The following TENM3 variants were observed in gnomAD, a reference collection of about 807,000 sequenced individuals.
TENM3 encodes the protein teneurin transmembrane protein 3, also known as teneurin-3.
TENM3 carries 63 observed loss-of-function variants against 255.1 expected under a neutral mutation model. The ratio of observed to expected loss-of-function variants is 0.25; its 90% CI spans 0.20 to 0.30. The LOEUF is 0.30. Among genes scored for constraint, TENM3 ranks in the 10% least tolerant of loss-of-function variants. The probability of loss-of-function intolerance (pLI) is 1.00; values close to 1 mark genes in which losing one functional copy is unlikely to be tolerated. For missense variants in TENM3, 2,929 were observed against 3,461.1 expected, an observed-to-expected ratio of 0.85 and a Z score of 3.86; for synonymous variants, 1,306 against 1,322.3, an observed-to-expected ratio of 0.99 and a Z score of 0.27.
intron 3 of TENM3, among the ~76,000 whole-genome samples, chr4:182,408,627 CTT>C (rs1769751471): frequency 6.6e-6 from 1 of 152,070 alleles, no homozygotes. Flanking sequence ...CACTTTGGCT[CTT>C]GTTAAAAAAA....
At chr4:181,828,090 A>G in the TENM3 span, among the ~76,000 whole-genome samples, 1 of 152,154 alleles carries the variant, frequency 6.6e-6, no homozygotes, top group Non-Finnish European at 1.5e-5. Flanking sequence ...GAGCGAGGAG[A>G]AAAGGCAGAG....
At chr4:181,465,169 A>G in the TENM3 span, among the ~76,000 whole-genome samples, 1 of 146,478 alleles carries the variant, frequency 6.8e-6, no homozygotes, top group African/African-American at 2.5e-5. Flanking sequence ...CTTCAAAGAT[A>G]TGATTTTTGA....
chr4:182,649,990 A>G (rs551052844), intron 5 of TENM3, among the ~76,000 whole-genome samples: 1 of 150,660 alleles, frequency 6.6e-6, no homozygotes, highest in African/African-American at 2.4e-5. Context: ...TGCAAACTGC[A>G]TGCAAACTCT....
At chr4:181,752,955 C>T in the TENM3 span, among the ~76,000 whole-genome samples, 2 of 152,100 alleles carry the variant, frequency 1.3e-5, no homozygotes, top group African/African-American at 4.8e-5. Flanking sequence ...TCACTCACAC[C>T]ATAGAGATTT....
chr4:182,427,539 A>C (rs1200999801), intron 3 of TENM3, among the ~76,000 whole-genome samples: 1 of 152,162 alleles, frequency 6.6e-6, no homozygotes, highest in African/African-American at 2.4e-5. Flanking sequence ...CTCTCCTTCC[A>C]TTTATATTCT....
At chr4:182,242,003 C>CTT (rs763045070), upstream of TENM3, among the ~76,000 whole-genome samples, 1,339 of 125,782 alleles carry the variant, frequency 0.011, 150 homozygotes, top group African/African-American at 0.037. Flanking sequence ...AATTTGCCTT[C>CTT]TTTTTTTTTT....
chr4:182,246,987 G>A (rs1185157807), intron 1 of TENM3, among the ~76,000 whole-genome samples: 1 of 152,218 alleles, frequency 6.6e-6, no homozygotes, highest in Non-Finnish European at 1.5e-5. Flanking sequence ...TGCCCACATC[G>A]AAGCTCTCAG....
intron 1 of TENM3, among the ~76,000 whole-genome samples, chr4:182,158,490 A>G (rs1750872496): frequency 6.6e-6 from 1 of 152,144 alleles, no homozygotes; most frequent in South Asian, 2.1e-4. Flanking sequence ...TTGGGTCCAG[A>G]TTGTGGGTAA....
Position 182,730,306 on chromosome 4 carries a change from C to T in TENM3, c.2692C>T (p.Arg898Cys), listed in dbSNP as rs1760586167. 1.2e-6 allele frequency: 2 copies of T among 1,613,554 alleles called. No homozygotes were observed. The highest frequency in any genetic ancestry group is 8.5e-7 in the Non-Finnish European group (1 of 1,179,710). ...CCCAGAATATGGATATACTATTACC[C>T]GCCAGGACGGAATGTGAGTTAGTCC... ...HYPEYGYTIT[R>C]QDGMFDLVAN... Residue 898 changes from arginine (R) to cysteine (C), a missense_variant, in exon 15 of 28, where the codon CGC (arginine) becomes TGC (cysteine). Coordinates refer to ENST00000511685, the MANE Select transcript of TENM3 (RefSeq NM_001080477.4).
chr4:182,061,843 G>A, the TENM3 span, among the ~76,000 whole-genome samples: 1 of 152,140 alleles, frequency 6.6e-6, no homozygotes, highest in South Asian at 2.1e-4. Context: ...GCGCTTTGTA[G>A]TTCCAGATAG....
intron 26 of TENM3, among the ~76,000 whole-genome samples, chr4:182,795,768 A>G (rs1766456653): frequency 6.6e-6 from 1 of 152,242 alleles, no homozygotes; most frequent in Admixed American, 6.5e-5. Context: ...GCATTTTCTG[A>G]AAAACATCAA....
At chr4:181,677,543 T>A in the TENM3 span, among the ~76,000 whole-genome samples, 1 of 152,150 alleles carries the variant, frequency 6.6e-6, no homozygotes, top group African/African-American at 2.4e-5. Context: ...AAGATACTCC[T>A]TTGTTTTAGC....
chr4:181,497,646 T>A, the TENM3 span, among the ~76,000 whole-genome samples: 6 of 152,160 alleles, frequency 3.9e-5, no homozygotes, highest in Non-Finnish European at 7.4e-5. Context: ...ATCAGGAAAC[T>A]AGAGTACTAT....
the TENM3 span, among the ~76,000 whole-genome samples, chr4:181,770,837 A>C: frequency 2.0e-5 from 3 of 152,314 alleles, no homozygotes; most frequent in Non-Finnish European, 2.9e-5. Flanking sequence ...GATCATTCTC[A>C]TTTCAATAAC....
intron 19 of TENM3, chr4:182,744,212 A>T: frequency 2.2e-6 from 2 of 911,868 alleles, no homozygotes; most frequent in Non-Finnish European, 2.6e-6. Flanking sequence ...TATCCTTTTT[A>T]CATTTCAATG....
At chr4:181,872,233 A>G in the TENM3 span, among the ~76,000 whole-genome samples, 3 of 151,350 alleles carry the variant, frequency 2.0e-5, no homozygotes, top group South Asian at 6.3e-4. Context: ...ATTTAAATAT[A>G]TGTGTGTATA....
At chr4:181,686,345 T>A in the TENM3 span, among the ~76,000 whole-genome samples, 1 of 152,192 alleles carries the variant, frequency 6.6e-6, no homozygotes, top group East Asian at 1.9e-4. Flanking sequence ...ATCTTCTTAG[T>A]TCGTGATGTA....
chr4:182,213,167 A>C (rs1439190644), intron 1 of TENM3, among the ~76,000 whole-genome samples: 2 of 152,240 alleles, frequency 1.3e-5, no homozygotes, highest in African/African-American at 4.8e-5. Context: ...TATTCTGTTA[A>C]GCTTCTAAAG....
chr4:181,864,421 C>T, the TENM3 span, among the ~76,000 whole-genome samples: 1 of 151,532 alleles, frequency 6.6e-6, no homozygotes, highest in Admixed American at 6.6e-5. Context: ...TTGAATAACC[C>T]AGGAGACAAA....
Sources: gnomAD v4.1 joint callset for allele counts (sites outside exome capture counted in the v4.1 genomes callset) on GRCh38, gnomAD v4.1.1 for gene constraint, MANE v1.5 for transcripts, NCBI Gene and HGNC (gene_info 2026-07-23, HGNC 2026-07-21) for gene names.